The following BICD2 variants were observed in gnomAD, a reference collection of about 807,000 sequenced individuals.
BICD2 encodes protein bicaudal D homolog 2.
Under a neutral mutation model 72.9 loss-of-function variants are expected in BICD2, and 25 were observed. That is an observed-to-expected ratio of 0.34 (90% CI 0.25 to 0.48). The LOEUF is 0.48. BICD2 is among the 20% of genes least tolerant of loss of function. The pLI, the probability that BICD2 is intolerant of heterozygous loss-of-function variation, is 0.99. For synonymous variants in BICD2, 501 were observed against 516.1 expected (o/e 0.97, Z 0.40); for missense variants, 894 against 1,175.2 (o/e 0.76, Z 3.50).
chr9:92,720,404 G>A lies in BICD2; in HGVS notation c.958C>T (p.Pro320Ser), dbSNP rs1170829654. ...KLPLDNKTSTPKKEGLAPPSP... is the reference protein window; with the variant it reads ...KLPLDNKTSTSKKEGLAPPSP... ...GGCGGTGCGAGGCCCTCCTTCTTGG[G>A]CGTGGAGGTCTTGTTGTCCAGTGGC... Residue 320 changes from proline (P) to serine (S), a missense_variant, in exon 4 of 7, where the codon CCC (proline) becomes TCC (serine). Pro to Ser is a moderately conservative substitution (Grantham distance 74). Transcript: ENST00000356884. This position sits in a 1 kb window ranked among gnomAD's most constrained non-coding sequence, Gnocchi z 5.4. 4.3e-6 allele frequency: 7 copies of A among 1,614,176 alleles called. No individual in the cohort carries two copies. The East Asian group carries it at 1.1e-4, about 26-fold the overall frequency.
At chr9:92,752,079 A>C (rs915318800) in intron 1 of BICD2, among the ~76,000 whole-genome samples, 1 of 152,178 alleles carries the variant, frequency 6.6e-6, no homozygotes, top group Non-Finnish European at 1.5e-5. Context: ...TGCTGGGATT[A>C]CAGGCATGAG....
At chr9:92,726,722 A>G (rs1853575462) in intron 2 of BICD2, among the ~76,000 whole-genome samples, 1 of 152,054 alleles carries the variant, frequency 6.6e-6, no homozygotes, top group Non-Finnish European at 1.5e-5. Flanking sequence ...CAAGGTGGGG[A>G]CCCTCAGGAG....
rs377608753 is a variant in BICD2, at chr9:92,756,260, CTT to C, written c.240+8243_240+8244del. The stretch of plus-strand genomic sequence containing the variant: ...TCAGCTGAAGGAGGCACCCTGGCTA[CTT>C]TTTTTTTTTTTTTGTCTGAGACGGA... On this transcript the variant is annotated intron_variant, in intron 1 of 6. Coordinates refer to ENST00000356884, the MANE Select transcript of BICD2 (RefSeq NM_001003800.2). Among the ~76,000 whole-genome samples the C allele has an allele frequency of 2.8e-3, 402 of 144,596 alleles. 2 individuals carry two copies. The highest frequency in any genetic ancestry group is 7.6e-3 in the African/African-American group (302 of 39,640). The allele number at this position is 144,596 out of a possible 152,430, so 94.9% of individuals were successfully genotyped here.
At chr9:92,732,573 C>T (rs1304778816) in intron 1 of BICD2, among the ~76,000 whole-genome samples, 2 of 151,910 alleles carry the variant, frequency 1.3e-5, no homozygotes, top group African/African-American at 2.4e-5. Context: ...TTTAAATCAG[C>T]CAGAAGAAAA....
chr9:92,756,842 G>C (rs1854268425), intron 1 of BICD2, among the ~76,000 whole-genome samples: 1 of 150,890 alleles, frequency 6.6e-6, no homozygotes, highest in Non-Finnish European at 1.5e-5. Context: ...ACTACAGCCT[G>C]GGCAACAGAG....
At position 92,720,073 on chromosome 9, in the gene BICD2, G is replaced by A. The variant is rs1587669869; in HGVS notation, c.1062+227C>T. Among the ~76,000 whole-genome samples the A allele has an allele frequency of 6.6e-6, 1 of 152,230 alleles. No homozygotes were observed. Among genetic ancestry groups the A allele is most frequent in the African/African-American group, 2.4e-5 (1 of 41,456 alleles). On this transcript the variant is annotated intron_variant, in intron 4 of 6. Transcript: ENST00000356884. This position sits in a 1 kb window ranked among gnomAD's most constrained non-coding sequence, Gnocchi z 5.4. The stretch of plus-strand genomic sequence containing the variant: ...TCTCATCACTTCACCCTGACACCAC[G>A]TAGTTAACAGGGGAGCAATGTGGGT...
At chr9:92,721,470 T>C (rs372131176) in intron 3 of BICD2, among the ~76,000 whole-genome samples, 5 of 152,240 alleles carry the variant, frequency 3.3e-5, no homozygotes, top group East Asian at 1.9e-4. Flanking sequence ...TGATGCCTGA[T>C]GTGGAGGCTC....
In BICD2 at chr9:92,720,714, C is replaced by T; in HGVS notation, c.648G>A (p.Glu216=). ...EGLKHEIKRL[E]EETEYLNSQL... is the part of the protein sequence containing the mutation. ...GGCTGTTGAGGTACTCGGTCTCCTC[C>T]TCCAGACGCTTGATCTCATGCTTGA... is the stretch of plus-strand genomic sequence containing the variant. The change falls in exon 4 of 7, where the codon GAG becomes GAA. Residue 216 remains glutamate (E), a synonymous_variant. Transcript: ENST00000356884. The surrounding 1 kb of genome is among the most constrained non-coding windows in gnomAD (Gnocchi z 5.4). The T allele has an allele frequency of 6.2e-7, 1 of 1,614,170 alleles. No individual in the cohort carries two copies. The highest frequency in any genetic ancestry group is 2.2e-5 in the East Asian group (1 of 44,880).
chr9:92,722,236 AG>A (rs1357898696), intron 3 of BICD2, among the ~76,000 whole-genome samples: 2 of 152,172 alleles, frequency 1.3e-5, no homozygotes, highest in Non-Finnish European at 2.9e-5. Context: ...TTAGAGACAG[AG>A]GGGTTCCTGT....
In BICD2 at chr9:92,711,802, T is replaced by C. The variant is rs1358877784; in HGVS notation, c.*3352A>G. 6.6e-6 allele frequency: 1 copy of C among 152,580 alleles called. No homozygotes were observed. 9.5% of individuals were successfully genotyped at this position (152,580 alleles called of 1,614,324 possible). On this transcript the variant is annotated 3_prime_UTR_variant, in exon 7 of 7. Transcript: ENST00000356884. ...TACAACTAGGAATAAGAAATGCTTA[T>C]TCCAGGAAACAGAATTCTTTTATTT...
At chr9:92,728,398 C>T (rs1486052075) in intron 2 of BICD2, among the ~76,000 whole-genome samples, 1 of 152,238 alleles carries the variant, frequency 6.6e-6, no homozygotes, top group Admixed American at 6.5e-5. Flanking sequence ...GAGCCTGTGC[C>T]ATGTACCAAT....
chr9:92,739,345 G>A (rs1259543065), intron 1 of BICD2, among the ~76,000 whole-genome samples: 1 of 152,192 alleles, frequency 6.6e-6, no homozygotes, highest in East Asian at 1.9e-4. Flanking sequence ...CAAGACCCAA[G>A]TCCGAGGGCC....
At chr9:92,760,380 C>G (rs2131539545) in intron 1 of BICD2, among the ~76,000 whole-genome samples, 1 of 152,332 alleles carries the variant, frequency 6.6e-6, no homozygotes, top group African/African-American at 2.4e-5. Flanking sequence ...CAGGGCTGGC[C>G]TGGAGCACAC....
At chr9:92,723,649 CAT>C (rs1276101169) in intron 2 of BICD2, among the ~76,000 whole-genome samples, 2 of 152,002 alleles carry the variant, frequency 1.3e-5, no homozygotes, top group Non-Finnish European at 2.9e-5. Flanking sequence ...ATGTGACTAT[CAT>C]AAAATACACT....
At chr9:92,742,704 C>A (rs997625915) in intron 1 of BICD2, among the ~76,000 whole-genome samples, 1 of 151,970 alleles carries the variant, frequency 6.6e-6, no homozygotes, top group Non-Finnish European at 1.5e-5. Flanking sequence ...TTCTATCACC[C>A]CCCCCAAAGA....
In BICD2 at chr9:92,720,141, G is replaced by A. The variant is rs529188047; in HGVS notation, c.1062+159C>T. ...CCACTTCTCTGAGACTCCTCTATGT[G>A]TGCTCCTGGAGTTCCATTTACCGTA... On this transcript the variant is annotated intron_variant, in intron 4 of 6. Transcript: ENST00000356884. This position sits in a 1 kb window ranked among gnomAD's most constrained non-coding sequence, Gnocchi z 5.4. Among the ~76,000 whole-genome samples, 1 of 152,358 alleles carries A rather than the reference G, an allele frequency of 6.6e-6. No individual in the cohort carries two copies. Among genetic ancestry groups the A allele is most frequent in the African/African-American group, 2.4e-5 (1 of 41,588 alleles).
chr9:92,733,082 C>T (rs1323167105), intron 1 of BICD2, among the ~76,000 whole-genome samples: 2 of 152,128 alleles, frequency 1.3e-5, no homozygotes, highest in African/African-American at 4.8e-5. Context: ...AGAGAACTCA[C>T]AATTTCAAAA....
chr9:92,723,922 A>C (rs1587672497), intron 2 of BICD2, among the ~76,000 whole-genome samples: 1 of 152,146 alleles, frequency 6.6e-6, no homozygotes. Context: ...CGGCCTGTAC[A>C]TCATATGTCT....
In BICD2 at chr9:92,722,761, G is replaced by C; in HGVS notation, c.501C>G (p.Ile167Met). Residue 167 changes from isoleucine (I) to methionine (M), a missense_variant, in exon 3 of 7, where the codon ATC becomes ATG. Physicochemically the swap from Ile to Met is conservative, Grantham distance 10. Transcript: ENST00000356884. ...EIQRGRLRDD[I>M]KEYKFREARL... ...GAGCTTCCCGGAATTTGTACTCCTTGATGTCATCCCGCAGGCGGCCACGCT... is the reference window on the plus strand; with the variant it reads ...GAGCTTCCCGGAATTTGTACTCCTTCATGTCATCCCGCAGGCGGCCACGCT... The C allele has an allele frequency of 6.2e-7, 1 of 1,614,146 alleles. No homozygotes were observed. The highest frequency in any genetic ancestry group is 8.5e-7 in the Non-Finnish European group (1 of 1,180,042).
Sources: gnomAD v4.1 joint callset for allele counts (sites outside exome capture counted in the v4.1 genomes callset) on GRCh38, gnomAD v4.1.1 for gene constraint, Gnocchi (gnomAD v3.1) non-coding constraint, MANE v1.5 for transcripts, NCBI Gene and HGNC (gene_info 2026-07-23, HGNC 2026-07-21) for gene names.